The following CHRM3 variants were observed in gnomAD, a reference collection of about 807,000 sequenced individuals.
The protein encoded by CHRM3 is muscarinic acetylcholine receptor M3.
Under a neutral mutation model 41.8 loss-of-function variants are expected in CHRM3, and 11 were observed. The ratio of observed to expected loss-of-function variants is 0.26; its 90% confidence interval spans 0.17 to 0.44. CHRM3 has a LOEUF of 0.44. Ranked by LOEUF, CHRM3 falls within the 20% of genes least tolerant of loss-of-function variation. The probability of loss-of-function intolerance (pLI) is 1.00; values close to 1 mark genes in which losing one functional copy is unlikely to be tolerated. For missense variants in CHRM3, 571 were observed against 745.4 expected (o/e 0.77, Z 2.72); for synonymous variants, 297 against 301.4 (o/e 0.99, Z 0.15).
chr1:239,804,097 G>A (rs1670431678), intron 5 of CHRM3, among the ~76,000 whole-genome samples: 1 of 152,184 alleles, frequency 6.6e-6, no homozygotes, highest in South Asian at 2.1e-4. Context: ...TTCTCAGGGA[G>A]CTTTTATCTC....
At chr1:239,729,842 C>T (rs777017693) in intron 5 of CHRM3, among the ~76,000 whole-genome samples, 10 of 151,936 alleles carry the variant, frequency 6.6e-5, no homozygotes, top group Non-Finnish European at 1.5e-4. Context: ...TTAGATTCCA[C>T]CTTGCATCAC....
rs145830541 is a variant in CHRM3 at position 239,477,946 on chromosome 1, C to T, written c.-520-14763C>T. On this transcript the variant is annotated intron_variant, in intron 1 of 6. Transcript: ENST00000676153. Reference sequence around the variant, plus strand: ...CATTCCCTTGAGGTCAGCTGCACAGCGAGGCTGATTGAAGCTGGGGTAGTA... The same window carrying T: ...CATTCCCTTGAGGTCAGCTGCACAGTGAGGCTGATTGAAGCTGGGGTAGTA... 6.6e-5 allele frequency among the ~76,000 whole-genome samples: 10 copies of T among 152,206 alleles called. 1 individual carries two copies. Among genetic ancestry groups the T allele is most frequent in the South Asian group, 6.2e-4 (3 of 4,810 alleles).
chr1:239,581,961 A>G (rs1037010263), intron 3 of CHRM3, among the ~76,000 whole-genome samples: 4 of 152,234 alleles, frequency 2.6e-5, no homozygotes, highest in South Asian at 2.1e-4. Context: ...CATCTCTGCC[A>G]TGATGTTGTG....
chr1:239,715,428 G>C lies in CHRM3; in HGVS notation c.-147+37140G>C, dbSNP rs1408885554. Among the ~76,000 whole-genome samples, 6 of 152,102 alleles carry C rather than the reference G, an allele frequency of 3.9e-5. No homozygotes were observed. In the East Asian group the frequency reaches 1.2e-3, roughly 29 times the overall value. On this transcript the variant is annotated intron_variant, in intron 5 of 6. Coordinates refer to ENST00000676153, the MANE Select transcript of CHRM3 (RefSeq NM_001375978.1). The stretch of plus-strand genomic sequence containing the variant: ...GGAGAAATAAAAGCTCTAATTTGTA[G>C]CTATTACAGATGACCATGGCGTAAA...
At chr1:239,555,783 C>A (rs1018135786) in intron 3 of CHRM3, among the ~76,000 whole-genome samples, 3 of 152,230 alleles carry the variant, frequency 2.0e-5, no homozygotes, top group Admixed American at 1.3e-4. Context: ...GCCTCTTCAA[C>A]AAAACTGTTT....
At chr1:239,671,964 A>G (rs536050508) in intron 4 of CHRM3, among the ~76,000 whole-genome samples, 2 of 152,170 alleles carry the variant, frequency 1.3e-5, no homozygotes, top group African/African-American at 4.8e-5. Flanking sequence ...CAAGAATGAC[A>G]GTGAAAGGGA....
In CHRM3 at chr1:239,894,103, G is replaced by C. The variant is rs539520610; in HGVS notation, c.-19-13330G>C. The stretch of plus-strand genomic sequence containing the variant: ...AAACTGATGACTAATAAAGCCATAG[G>C]CATCAAATATGGATCCACTAAACAT... On this transcript the variant is annotated intron_variant, in intron 6 of 6. Coordinates refer to ENST00000676153, the MANE Select transcript of CHRM3 (RefSeq NM_001375978.1). Among the ~76,000 whole-genome samples, 6 of 152,204 alleles carry C rather than the reference G, an allele frequency of 3.9e-5. No individual in the cohort carries two copies. The East Asian group carries it at 9.7e-4, about 25-fold the overall frequency.
At chr1:239,638,070 T>A (rs1670684005) in intron 4 of CHRM3, among the ~76,000 whole-genome samples, 1 of 151,746 alleles carries the variant, frequency 6.6e-6, no homozygotes, top group Non-Finnish European at 1.5e-5. Flanking sequence ...ATTTCATCCA[T>A]GTCCCTACAA....
At chr1:239,542,601 A>G (rs915215508) in intron 2 of CHRM3, among the ~76,000 whole-genome samples, 1 of 152,182 alleles carries the variant, frequency 6.6e-6, no homozygotes. Context: ...GAGGTGATGC[A>G]AGTGAGGCTG....
intron 4 of CHRM3, among the ~76,000 whole-genome samples, chr1:239,670,771 A>C (rs577810187): frequency 3.3e-5 from 5 of 150,312 alleles, no homozygotes; most frequent in African/African-American, 9.9e-5. Flanking sequence ...CAGGTGATCT[A>C]CCCCCCCCAC....
intron 5 of CHRM3, among the ~76,000 whole-genome samples, chr1:239,738,470 G>C (rs545768101): frequency 1.3e-5 from 2 of 151,816 alleles, no homozygotes; most frequent in South Asian, 2.1e-4. Context: ...GCCAGGCTCA[G>C]GGGGGGTTTG....
At chr1:239,649,282 T>C (rs1672027227) in intron 4 of CHRM3, among the ~76,000 whole-genome samples, 1 of 152,158 alleles carries the variant, frequency 6.6e-6, no homozygotes. Context: ...AGGCACCATC[T>C]ATGAAGCAGA....
intron 5 of CHRM3, among the ~76,000 whole-genome samples, chr1:239,729,195 T>C (rs1663726881): frequency 6.6e-6 from 1 of 151,976 alleles, no homozygotes; most frequent in African/African-American, 2.4e-5. Flanking sequence ...TACTTTAAAA[T>C]GTTGGGATGG....
At chr1:239,759,937 T>C (rs939697473) in intron 5 of CHRM3, among the ~76,000 whole-genome samples, 3 of 152,144 alleles carry the variant, frequency 2.0e-5, no homozygotes, top group Admixed American at 6.5e-5. Flanking sequence ...TTTTTTGAGA[T>C]GGAGTCTCGC....
At chr1:239,418,102 G>T (rs772913376) in intron 1 of CHRM3, among the ~76,000 whole-genome samples, 5 of 152,104 alleles carry the variant, frequency 3.3e-5, no homozygotes, top group Non-Finnish European at 4.4e-5. Context: ...TTCACTTGCC[G>T]CAGTAGCAGG....
intron 3 of CHRM3, among the ~76,000 whole-genome samples, chr1:239,573,080 G>A (rs573594151): frequency 9.9e-5 from 15 of 152,204 alleles, no homozygotes; most frequent in African/African-American, 3.4e-4. Flanking sequence ...CACATAGTAC[G>A]GACACCTTTC....
chr1:239,651,517 C>T (rs1173286084), intron 4 of CHRM3, among the ~76,000 whole-genome samples: 2 of 152,198 alleles, frequency 1.3e-5, no homozygotes, highest in African/African-American at 4.8e-5. Context: ...GAATAGTAGA[C>T]TTGGCTAAGA....
intron 5 of CHRM3, among the ~76,000 whole-genome samples, chr1:239,689,818 C>T (rs1659532931): frequency 6.6e-6 from 1 of 152,060 alleles, no homozygotes; most frequent in African/African-American, 2.4e-5. Context: ...GTCCAGGGTA[C>T]GGATTTCAGT....
At position 239,464,293 on chromosome 1, in the gene CHRM3, A is replaced by G. The variant is rs546402736; in HGVS notation, c.-520-28416A>G. 3.5e-3 allele frequency among the ~76,000 whole-genome samples: 534 copies of G among 151,984 alleles called. 2 individuals carry two copies. The highest frequency in any genetic ancestry group is 6.1e-3 in the Non-Finnish European group (416 of 67,936). ...AGACCCTGTCTCAAAAAAAAAAAAA[A>G]AAAAAGTTCAGCTGTCACCTGTCTG... On this transcript the variant is annotated intron_variant, in intron 1 of 6. Transcript: ENST00000676153.
Sources: allele counts gnomAD v4.1 joint callset (sites outside exome capture counted in the v4.1 genomes callset), GRCh38; gene constraint gnomAD v4.1.1; transcripts MANE v1.5; gene names NCBI Gene and HGNC (gene_info 2026-07-23, HGNC 2026-07-21).